Variants in DOCK6 observed in about 807,000 individuals in gnomAD.
The protein encoded by DOCK6 is dedicator of cytokinesis 6.
DOCK6 carries 167 observed loss-of-function variants against 230.3 expected under a neutral mutation model. The observed-to-expected ratio is 0.73, with a 90% CI of 0.64 to 0.82. The LOEUF (loss-of-function observed/expected upper bound fraction) is 0.82, where lower values mean the gene tolerates loss of function less well. Among genes scored for constraint, DOCK6 ranks in the 40% least tolerant of loss-of-function variants. The pLI is 0.00. For synonymous variants in DOCK6, 1,148 were observed against 1,185.0 expected (o/e 0.97, Z 0.64); for missense variants, 2,598 against 2,825.8 (o/e 0.92, Z 1.83).
chr19:11,212,232 A>G (rs2079400370), intron 35 of DOCK6, 81 bp from the exon 36 acceptor site: 3 of 1,493,928 alleles, frequency 2.0e-6, no homozygotes, highest in Middle Eastern at 2.3e-4. Context: ...ACCTGCCGAC[A>G]TGGCCCTTGC....
intron 28 of DOCK6, chr19:11,221,398 C>A: frequency 6.0e-6 from 1 of 166,544 alleles, no homozygotes; most frequent in Admixed American, 5.7e-5. Context: ...GAAAGGCATC[C>A]ACCCACAAAT....
At chr19:11,218,782 T>C (rs568789369) in intron 28 of DOCK6, among the ~76,000 whole-genome samples, 26 of 150,998 alleles carry the variant, frequency 1.7e-4, no homozygotes, top group African/African-American at 5.9e-4. Flanking sequence ...TCAGCACTTA[T>C]ATGGTATCTC....
intron 24 of DOCK6, among the ~76,000 whole-genome samples, chr19:11,224,426 G>T (rs1389256083): frequency 6.6e-6 from 1 of 151,846 alleles, no homozygotes; most frequent in East Asian, 1.9e-4. Flanking sequence ...GGTAAGGCTG[G>T]TCTCAAACTC....
chr19:11,222,261 G>A lies in DOCK6; in HGVS notation c.3241-13C>T. On this transcript the variant is annotated splice_polypyrimidine_tract_variant and intron_variant, in intron 26 of 47. Coordinates refer to ENST00000294618, the MANE Select transcript of DOCK6 (RefSeq NM_020812.4). The surrounding 1 kb of genome is among the most constrained non-coding windows in gnomAD (Gnocchi z 4.0). ...AGAAGGTGGAGCTCTGCAGAGTGGG[G>A]GAAAAATGGGGGATGCCAGCGGTCA... 2 of 1,589,316 alleles carry A rather than the reference G, an allele frequency of 1.3e-6. No homozygotes were observed. The highest frequency in any genetic ancestry group is 1.7e-6 in the Non-Finnish European group (2 of 1,168,124).
chr19:11,223,785 T>C (rs2079619167), intron 24 of DOCK6, among the ~76,000 whole-genome samples: 1 of 152,108 alleles, frequency 6.6e-6, no homozygotes, highest in Non-Finnish European at 1.5e-5. Context: ...TAGCTTGGAT[T>C]ACAGACACCC....
At chr19:11,209,973 C>T (rs1224371944) in intron 37 of DOCK6, among the ~76,000 whole-genome samples, 1 of 141,106 alleles carries the variant, frequency 7.1e-6, no homozygotes, top group Non-Finnish European at 1.5e-5. Flanking sequence ...CCGCCCTCAC[C>T]TGTCCACCCT....
intron 6 of DOCK6, among the ~76,000 whole-genome samples, chr19:11,249,071 T>C (rs1444843530): frequency 5.3e-5 from 8 of 152,008 alleles, no homozygotes; most frequent in Admixed American, 5.2e-4. Flanking sequence ...TAAATGTTGG[T>C]TGGATAAAAA....
At position 11,222,155 on chromosome 19, in the gene DOCK6, G is replaced by T; in HGVS notation, c.3334C>A (p.Leu1112Ile). The change falls in exon 27 of 48, where the codon CTC becomes ATC. Residue 1112 changes from leucine to isoleucine, a missense_variant. Coordinates refer to ENST00000294618, the MANE Select transcript of DOCK6 (RefSeq NM_020812.4). The surrounding 1 kb of genome is among the most constrained non-coding windows in gnomAD (Gnocchi z 4.0). ...GCCAGTGCCAGCTCCGTCAGCAGGAGCCCAGCTAGGAAGTGCTGCTGCCGG... is the reference window on the plus strand; with the variant it reads ...GCCAGTGCCAGCTCCGTCAGCAGGATCCCAGCTAGGAAGTGCTGCTGCCGG... ...PFRQQHFLAG[L>I]LLTELALALE... is the part of the protein sequence containing the mutation. 1 of 1,612,444 alleles carries T rather than the reference G, an allele frequency of 6.2e-7. No homozygotes were observed. The highest frequency in any genetic ancestry group is 8.5e-7 in the Non-Finnish European group (1 of 1,179,358).
intron 18 of DOCK6, 89 bp downstream of exon 18, chr19:11,237,367 C>A (rs2079864941): frequency 1.4e-6 from 2 of 1,474,648 alleles, no homozygotes; most frequent in African/African-American, 1.4e-5. Context: ...GGATAACAAG[C>A]CTCCCAGGAT....
At chr19:11,223,138 C>A in intron 24 of DOCK6, 32 bp from the exon 25 acceptor site, 1 of 1,599,450 alleles carries the variant, frequency 6.3e-7, no homozygotes, top group African/African-American at 1.3e-5. Flanking sequence ...AACCCACACA[C>A]CCAAACCTCA....
chr19:11,262,325 G>A (rs2080304324), intron 1 of DOCK6, 72 bp downstream of exon 1: 2 of 1,024,706 alleles, frequency 2.0e-6, no homozygotes, highest in African/African-American at 1.7e-5. Context: ...CCCGGGCGGG[G>A]AGGGTCGCAC....
At chr19:11,256,580 T>A (rs542857950) in intron 1 of DOCK6, among the ~76,000 whole-genome samples, 3 of 152,360 alleles carry the variant, frequency 2.0e-5, no homozygotes, top group East Asian at 3.9e-4. Context: ...ACACAGTAAG[T>A]GCTCAATTAG....
chr19:11,213,374 C>T (rs1216129211), intron 34 of DOCK6, 46 bp from the exon 35 acceptor site: 6 of 1,583,180 alleles, frequency 3.8e-6, no homozygotes, highest in Non-Finnish European at 5.1e-6. Context: ...CCTCCCCGTT[C>T]TGGCTCAGAA....
intron 24 of DOCK6, among the ~76,000 whole-genome samples, chr19:11,224,000 T>C (rs1438635047): frequency 1.3e-5 from 2 of 152,054 alleles, no homozygotes; most frequent in Non-Finnish European, 2.9e-5. Context: ...TGCCAATCCC[T>C]GTGAATGAGG....
chr19:11,212,077 T>C lies in DOCK6; in HGVS notation c.4566A>G (p.Glu1522=). The change falls in exon 36 of 48, where the codon GAA becomes GAG. Residue 1522 remains glutamate, a synonymous_variant. Transcript: ENST00000294618. ...TTTTGAGTGAACGTCGCAGGTGCTC[T>C]TCACTGAAGTTCTGCGTCGTCCCCA... The part of the protein sequence containing the change: ...SLVGTTQNFS[E]EHLRRSLKTI... The C allele has an allele frequency of 6.2e-7, 1 of 1,612,082 alleles. No individual in the cohort carries two copies.
In DOCK6 at chr19:11,245,843, A is replaced by G; in HGVS notation, c.842T>C (p.Leu281Ser). The change falls in exon 8 of 48, where the codon TTG (leucine) becomes TCG (serine). Residue 281 changes from leucine (L) to serine (S), a missense_variant. By Grantham distance (145) the Leu-to-Ser change is moderately radical (BLOSUM62 -2). Transcript: ENST00000294618. ...TTTCTCCCGCACATCATACAGAGCC[A>G]AGATCCCAAAGATGGGCTCAATTTC... is the stretch of plus-strand genomic sequence containing the variant. ...EIEIEPIFGI[L>S]ALYDVREKKK... is the part of the protein sequence containing the mutation. 1.3e-6 allele frequency: 2 copies of G among 1,569,940 alleles called. No homozygotes were observed. The highest frequency in any genetic ancestry group is 1.7e-6 in the Non-Finnish European group (2 of 1,157,028).
At chr19:11,237,973 A>ATG (rs750220147) in intron 16 of DOCK6, 72 bp downstream of exon 16, 55 of 1,527,824 alleles carry the variant, frequency 3.6e-5, no homozygotes, top group Non-Finnish European at 4.3e-5. Context: ...ATGCTGCCTT[A>ATG]TGTGTATATA....
intron 1 of DOCK6, among the ~76,000 whole-genome samples, chr19:11,256,838 C>T (rs977772311): frequency 3.3e-5 from 5 of 150,218 alleles, no homozygotes; most frequent in African/African-American, 4.9e-5. Flanking sequence ...CCACCATGCC[C>T]GGCTAATTTT....
At chr19:11,208,883 C>T (rs371237440) in intron 38 of DOCK6, 28 bp downstream of exon 38, 17 of 1,596,868 alleles carry the variant, frequency 1.1e-5, no homozygotes, top group East Asian at 6.8e-5. Flanking sequence ...TCGTGCCGTC[C>T]GCCACCTGCC....
Sources: allele counts gnomAD v4.1 joint callset (sites outside exome capture counted in the v4.1 genomes callset), GRCh38; gene constraint gnomAD v4.1.1; non-coding constraint Gnocchi (gnomAD v3.1); transcripts MANE v1.5; gene names NCBI Gene and HGNC (gene_info 2026-07-23, HGNC 2026-07-21).